IRAG1: variants seen among roughly 807,000 people sequenced by gnomAD.
The protein encoded by IRAG1 is IP3R-associated cGMP kinase substrate.
IRAG1 carries 62 observed loss-of-function variants against 106.2 expected under a neutral mutation model. The observed-to-expected ratio is 0.58, with a 90% CI of 0.48 to 0.72. The LOEUF is 0.72. IRAG1 is among the 30% of genes least tolerant of loss of function. The probability of loss-of-function intolerance (pLI) is 0.00; values close to 1 mark genes in which losing one functional copy is unlikely to be tolerated. For missense variants in IRAG1, 1,064 were observed against 1,140.7 expected (o/e 0.93, Z 0.97); for synonymous variants, 462 against 443.9 (o/e 1.04, Z -0.51).
At chr11:10,638,595 G>T (rs774119592) in intron 2 of IRAG1, among the ~76,000 whole-genome samples, 5 of 152,198 alleles carry the variant, frequency 3.3e-5, no homozygotes, top group Non-Finnish European at 7.3e-5. Context: ...CCTTTTTCAT[G>T]TCTGTCATAT....
chr11:10,672,742 C>T (rs938299053), intron 1 of IRAG1, among the ~76,000 whole-genome samples: 4 of 152,128 alleles, frequency 2.6e-5, no homozygotes, highest in African/African-American at 7.2e-5. Context: ...ATGGCGTAAC[C>T]GCTTTGGAAA....
At chr11:10,582,431 A>G (rs572564967) in intron 18 of IRAG1, among the ~76,000 whole-genome samples, 1 of 152,366 alleles carries the variant, frequency 6.6e-6, no homozygotes, top group South Asian at 2.1e-4. Flanking sequence ...CACATTAGAA[A>G]ATAAAGAAAT....
intron 18 of IRAG1, among the ~76,000 whole-genome samples, chr11:10,588,082 C>T (rs1419717083): frequency 6.6e-6 from 1 of 152,178 alleles, no homozygotes; most frequent in East Asian, 1.9e-4. Flanking sequence ...ACAGTAATTA[C>T]CATTGTCATC....
chr11:10,686,342 G>C (rs1233471958), intron 1 of IRAG1, among the ~76,000 whole-genome samples: 2 of 152,182 alleles, frequency 1.3e-5, no homozygotes, highest in African/African-American at 4.8e-5. Context: ...AAACTTTGGA[G>C]AGCCATAGAA....
chr11:10,583,338 T>C (rs1257396320), intron 18 of IRAG1, among the ~76,000 whole-genome samples: 1 of 152,122 alleles, frequency 6.6e-6, no homozygotes, highest in Non-Finnish European at 1.5e-5. Flanking sequence ...CAGAGAAGGC[T>C]GAGAAGTAGC....
At position 10,599,346 on chromosome 11, in the gene IRAG1, G is replaced by A. The variant is rs141324559; in HGVS notation, c.2017+1572C>T. The stretch of plus-strand genomic sequence containing the variant: ...GAACGAATGAGACTCATGGGTAACT[G>A]CTCATCCTATAAATCTTAGGTAAGG... On this transcript the variant is annotated intron_variant, in intron 15 of 20. Coordinates refer to ENST00000423302, the MANE Select transcript of IRAG1 (RefSeq NM_130385.4). 4.3e-3 allele frequency among the ~76,000 whole-genome samples: 648 copies of A among 152,280 alleles called. 3 individuals carry two copies. Among genetic ancestry groups the A allele is most frequent in the African/African-American group, 0.015 (608 of 41,546 alleles).
At chr11:10,581,798 G>A in intron 19 of IRAG1, 69 bp downstream of exon 19, 1 of 1,569,080 alleles carries the variant, frequency 6.4e-7, no homozygotes, top group Non-Finnish European at 8.6e-7. Flanking sequence ...TAAGAAACAA[G>A]AAAGACCCAT....
chr11:10,594,325 G>A, intron 15 of IRAG1, 130 bp from the exon 16 acceptor site: 3 of 773,586 alleles, frequency 3.9e-6, no homozygotes, highest in Non-Finnish European at 6.2e-6. Flanking sequence ...GGGTCTGGGT[G>A]TTGGGGACAC....
chr11:10,609,906 T>A, intron 10 of IRAG1, 55 bp from the exon 11 acceptor site: 1 of 1,571,570 alleles, frequency 6.4e-7, no homozygotes, highest in Non-Finnish European at 8.7e-7. Flanking sequence ...AGTAGTACTG[T>A]TGGCAGCTAG....
intron 8 of IRAG1, among the ~76,000 whole-genome samples, chr11:10,627,330 C>T (rs899359657): frequency 6.6e-6 from 1 of 152,154 alleles, no homozygotes; most frequent in African/African-American, 2.4e-5. Flanking sequence ...TGCTCATCAA[C>T]AAAGATGAGG....
At chr11:10,680,524 A>AAAGGAAGAAAGGAAGGAAGG (rs1554935785) in intron 1 of IRAG1, among the ~76,000 whole-genome samples, 1 of 139,034 alleles carries the variant, frequency 7.2e-6, no homozygotes, top group African/African-American at 2.9e-5. Context: ...AGAAAGGAAG[A>AAAGGAAGAAAGGAAGGAAGG]AAGGAAGGAA....
intron 1 of IRAG1, among the ~76,000 whole-genome samples, chr11:10,688,728 G>A (rs982292214): frequency 6.6e-5 from 10 of 152,158 alleles, no homozygotes; most frequent in African/African-American, 1.4e-4. Context: ...CCACCAAGCC[G>A]TGGTGGAATG....
At chr11:10,651,054 C>T (rs189692106) in intron 2 of IRAG1, among the ~76,000 whole-genome samples, 19 of 152,336 alleles carry the variant, frequency 1.2e-4, no homozygotes. Context: ...TCCCACCTGG[C>T]TCAGGTCAGT....
At chr11:10,622,066 C>T (rs1308912086) in intron 10 of IRAG1, among the ~76,000 whole-genome samples, 2 of 152,080 alleles carry the variant, frequency 1.3e-5, no homozygotes, top group East Asian at 3.8e-4. Flanking sequence ...CTTACTGCCA[C>T]TGAACTGTAT....
intron 11 of IRAG1, 96 bp downstream of exon 11, chr11:10,609,632 C>A: frequency 7.0e-7 from 1 of 1,422,438 alleles, no homozygotes; most frequent in East Asian, 2.4e-5. Flanking sequence ...CTTCTGGGTT[C>A]AAGAATTAAG....
At position 10,693,718 on chromosome 11, in the gene IRAG1, T is replaced by G; in HGVS notation, c.-116A>C. Reference sequence around the variant, plus strand: ...TGGGACTTAGAGCCGAGAGCTCCTCTGGGAGCCCCACTCCGGCCTGGCTCG... The same window carrying G: ...TGGGACTTAGAGCCGAGAGCTCCTCGGGGAGCCCCACTCCGGCCTGGCTCG... On this transcript the variant is annotated 5_prime_UTR_variant, in exon 1 of 21. Coordinates refer to ENST00000423302, the MANE Select transcript of IRAG1 (RefSeq NM_130385.4). 8.0e-7 allele frequency: 1 copy of G among 1,242,392 alleles called. No individual in the cohort carries two copies. The highest frequency in any genetic ancestry group is 1.5e-5 in the African/African-American group (1 of 66,726). 77.0% of individuals were successfully genotyped at this position (1,242,392 alleles called of 1,614,324 possible). A position where few individuals can be genotyped will look rare whatever the true frequency, so the allele number is the denominator to read the frequency against.
intron 18 of IRAG1, among the ~76,000 whole-genome samples, chr11:10,589,482 C>T (rs1174483228): frequency 4.6e-5 from 7 of 151,954 alleles, no homozygotes; most frequent in East Asian, 1.9e-4. Flanking sequence ...CTTGGCCAGG[C>T]GGTCTTGAAC....
At chr11:10,598,500 C>A (rs1051036643) in intron 15 of IRAG1, among the ~76,000 whole-genome samples, 2 of 152,066 alleles carry the variant, frequency 1.3e-5, no homozygotes, top group African/African-American at 4.8e-5. Flanking sequence ...GTCATAAATA[C>A]AGAATTTTTA....
rs185679199 is a variant in IRAG1 at position 10,582,867 on chromosome 11, A to T, written c.2241-881T>A. Among the ~76,000 whole-genome samples, 3 of 152,346 alleles carry T rather than the reference A, an allele frequency of 2.0e-5. No individual in the cohort carries two copies. In the East Asian group the frequency reaches 5.8e-4, roughly 29 times the overall value. On this transcript the variant is annotated intron_variant, in intron 18 of 20. Coordinates refer to ENST00000423302, the MANE Select transcript of IRAG1 (RefSeq NM_130385.4). ...GGTACTCAGGAGGCTGAGGCAAGAG[A>T]ATCGCTTGAGCCTGGAGGCAGAGGT...
Sources: allele counts gnomAD v4.1 joint callset (sites outside exome capture counted in the v4.1 genomes callset), GRCh38; gene constraint gnomAD v4.1.1; transcripts MANE v1.5; gene names NCBI Gene and HGNC (gene_info 2026-07-23, HGNC 2026-07-21).